ADAM9: variants seen among roughly 807,000 people sequenced by gnomAD.
ADAM9 encodes disintegrin and metalloproteinase domain-containing protein 9.
Under a neutral mutation model 108.1 loss-of-function variants are expected in ADAM9, and 54 were observed. The observed-to-expected ratio is 0.50, with a 90% CI of 0.40 to 0.63. The LOEUF (loss-of-function observed/expected upper bound fraction) is 0.63. ADAM9 is among the 20% of genes least tolerant of loss of function. The pLI, the probability that ADAM9 is intolerant of heterozygous loss-of-function variation, is 0.00. For missense variants in ADAM9, 830 were observed against 997.7 expected (o/e 0.83, Z 2.26); for synonymous variants, 316 against 336.0 (o/e 0.94, Z 0.65).
chr8:39,062,319 AGTTTCT>A (rs1343857505), intron 14 of ADAM9, among the ~76,000 whole-genome samples: 1 of 152,116 alleles, frequency 6.6e-6, no homozygotes, highest in Non-Finnish European at 1.5e-5. Flanking sequence ...TTTAGTTGAG[AGTTTCT>A]GTTTCTGTAA....
intron 11 of ADAM9, among the ~76,000 whole-genome samples, chr8:39,034,839 C>T (rs888888544): frequency 6.6e-5 from 10 of 151,528 alleles, no homozygotes; most frequent in African/African-American, 2.4e-4. Flanking sequence ...TTATCATGTT[C>T]CTGTTGTAGA....
At position 39,104,302 on chromosome 8, in the gene ADAM9, T is replaced by TA; in HGVS notation, c.*603dup. 2.2e-6 allele frequency: 1 copy of TA among 453,044 alleles called. No homozygotes were observed. The highest frequency in any genetic ancestry group is 4.4e-6 in the Non-Finnish European group (1 of 225,980). 28.1% of individuals were successfully genotyped at this position (453,044 alleles called of 1,614,324 possible). ...GTCATATTATTTTGAAAGTACAAAA[T>TA]ATACTAAAAGAGTGTGTGTGTATTC... On this transcript the variant is annotated 3_prime_UTR_variant, in exon 22 of 22. Coordinates refer to ENST00000487273, the MANE Select transcript of ADAM9 (RefSeq NM_003816.3).
At chr8:39,024,366 A>G (rs1054772802) in intron 9 of ADAM9, among the ~76,000 whole-genome samples, 8 of 152,178 alleles carry the variant, frequency 5.3e-5, no homozygotes, top group African/African-American at 1.9e-4. Context: ...GCCTTGCCCA[A>G]CCACACCCAC....
At position 39,000,519 on chromosome 8, in the gene ADAM9, T is replaced by C. The variant is rs577695280; in HGVS notation, c.97+3359T>C. Among the ~76,000 whole-genome samples, 23 of 151,998 alleles carry C rather than the reference T, an allele frequency of 1.5e-4. No homozygotes were observed. The East Asian group carries it at 4.1e-3, about 27-fold the overall frequency. On this transcript the variant is annotated intron_variant, in intron 1 of 21. Coordinates refer to ENST00000487273, the MANE Select transcript of ADAM9 (RefSeq NM_003816.3). The stretch of plus-strand genomic sequence containing the variant: ...CTCTGTTGCCCAGGCTGGAGTGCAG[T>C]GGAACAGTCATAGATCACTGTAACC...
At chr8:39,066,662 G>A (rs1420132904) in intron 14 of ADAM9, among the ~76,000 whole-genome samples, 1 of 152,220 alleles carries the variant, frequency 6.6e-6, no homozygotes, top group Non-Finnish European at 1.5e-5. Flanking sequence ...CCCTTTGTTA[G>A]ATGAGTAGAT....
chr8:39,080,830 G>GA (rs1260987313), intron 16 of ADAM9, among the ~76,000 whole-genome samples: 2 of 151,978 alleles, frequency 1.3e-5, no homozygotes, highest in Non-Finnish European at 2.9e-5. Context: ...CAGTAAACCA[G>GA]AAGTCCTATA....
At chr8:39,082,830 T>C in intron 17 of ADAM9, 109 bp downstream of exon 17, 1 of 1,352,452 alleles carries the variant, frequency 7.4e-7, no homozygotes, top group Non-Finnish European at 1.1e-6. Flanking sequence ...GAATTTAGAT[T>C]CCTGATAAAA....
chr8:39,053,764 G>A (rs1366538176), intron 12 of ADAM9, among the ~76,000 whole-genome samples: 1 of 152,156 alleles, frequency 6.6e-6, no homozygotes, highest in Non-Finnish European at 1.5e-5. Context: ...GTAAAAAAGA[G>A]TGTTCAGCTA....
At chr8:39,103,513 A>G in intron 21 of ADAM9, 94 bp from the exon 22 acceptor site, 1 of 1,185,448 alleles carries the variant, frequency 8.4e-7, no homozygotes, top group Non-Finnish European at 1.3e-6. Context: ...GTTGTCAGAG[A>G]TGTTGAGGAT....
intron 20 of ADAM9, among the ~76,000 whole-genome samples, chr8:39,098,207 T>C (rs1322986743): frequency 6.6e-6 from 1 of 152,200 alleles, no homozygotes. Context: ...CTGTAGATGA[T>C]ATCTTTTCCA....
chr8:39,094,277 C>T (rs1588433369), intron 20 of ADAM9, among the ~76,000 whole-genome samples: 1 of 152,180 alleles, frequency 6.6e-6, no homozygotes, highest in Non-Finnish European at 1.5e-5. Flanking sequence ...ATAAATCCCA[C>T]TTGGTCATTG....
At position 39,023,330 on chromosome 8, in the gene ADAM9, G is replaced by A; in HGVS notation, c.914+5G>A. The A allele has an allele frequency of 6.2e-7, 1 of 1,606,346 alleles. No individual in the cohort carries two copies. The highest frequency in any genetic ancestry group is 2.2e-5 in the East Asian group (1 of 44,694). ...TGACAGTGCACAGCTAGTTCTGTAA[G>A]TATTTTTTTTTTAAGTACTATTAAT... is the stretch of plus-strand genomic sequence containing the variant. On this transcript the variant is annotated splice_donor_5th_base_variant and intron_variant, in intron 9 of 21. Transcript: ENST00000487273.
chr8:39,103,221 G>T (rs1168855434), intron 21 of ADAM9, among the ~76,000 whole-genome samples: 4 of 152,156 alleles, frequency 2.6e-5, no homozygotes, highest in African/African-American at 7.2e-5. Flanking sequence ...GCTATAAACA[G>T]CTAGGTTTAC....
At chr8:39,101,637 G>T (rs2129443632) in intron 20 of ADAM9, among the ~76,000 whole-genome samples, 1 of 152,206 alleles carries the variant, frequency 6.6e-6, no homozygotes, top group South Asian at 2.1e-4. Context: ...TGACTTTTCT[G>T]TTTAGACTTG....
intron 12 of ADAM9, among the ~76,000 whole-genome samples, chr8:39,043,629 T>C (rs769981328): frequency 6.6e-6 from 1 of 152,214 alleles, no homozygotes; most frequent in East Asian, 1.9e-4. Context: ...TTTGTTTCTT[T>C]TAACATTTTT....
chr8:39,022,076 G>C (rs1006080457), intron 8 of ADAM9, among the ~76,000 whole-genome samples: 2 of 150,264 alleles, frequency 1.3e-5, no homozygotes, highest in Non-Finnish European at 2.9e-5. Flanking sequence ...GTGTGTGTGT[G>C]TGTGTGTGTG....
chr8:39,008,211 C>T (rs1242101489), intron 2 of ADAM9, among the ~76,000 whole-genome samples: 2 of 152,034 alleles, frequency 1.3e-5, no homozygotes, highest in Non-Finnish European at 2.9e-5. Flanking sequence ...CTCTGTCGCC[C>T]AGGCTGGAGT....
chr8:39,039,884 G>A (rs147637777), intron 11 of ADAM9, among the ~76,000 whole-genome samples: 192 of 152,220 alleles, frequency 1.3e-3, no homozygotes, highest in African/African-American at 4.1e-3. Context: ...TTCTTTGGGT[G>A]TATACCCAAA....
intron 12 of ADAM9, among the ~76,000 whole-genome samples, chr8:39,045,089 T>C (rs1837611926): frequency 6.5e-5 from 2 of 30,946 alleles, no homozygotes; most frequent in South Asian, 1.4e-3. Context: ...TGTGCATACA[T>C]ACATATGTGT....
Sources: allele counts gnomAD v4.1 joint callset (sites outside exome capture counted in the v4.1 genomes callset), GRCh38; gene constraint gnomAD v4.1.1; transcripts MANE v1.5; gene names NCBI Gene and HGNC (gene_info 2026-07-23, HGNC 2026-07-21).